The following NUP62CL variants were observed in gnomAD, a reference collection of about 807,000 sequenced individuals.
NUP62CL encodes nucleoporin 62 C-terminal like.
In NUP62CL, 13 loss-of-function variants were observed where a neutral mutation model predicts 15.3. The ratio of observed to expected loss-of-function variants is 0.85; its 90% CI spans 0.55 to 1.35. NUP62CL has a LOEUF of 1.35. Ranked by LOEUF, NUP62CL falls within the 40% of genes most tolerant of loss-of-function variation. The pLI is 0.00. For missense variants in NUP62CL, 123 were observed against 130.6 expected, an observed-to-expected ratio of 0.94 and a Z score of 0.28; for synonymous variants, 54 against 49.2, an observed-to-expected ratio of 1.10 and a Z score of -0.41.
chrX:107,156,045 C>T (rs1287075417), intron 4 of NUP62CL, among the ~76,000 whole-genome samples: 1 of 110,809 alleles, frequency 9.0e-6, no homozygotes, highest in African/African-American at 3.3e-5. Flanking sequence ...TCGGGTCACT[C>T]CCACCCGAAT....
intron 3 of NUP62CL, among the ~76,000 whole-genome samples, chrX:107,171,086 C>T (rs1392721947): frequency 8.9e-6 from 1 of 112,270 alleles, no homozygotes; most frequent in East Asian, 2.8e-4. Context: ...GACATCATCA[C>T]CTTCCCAAAC....
intron 8 of NUP62CL, among the ~76,000 whole-genome samples, chrX:107,143,632 C>T (rs1264210215): frequency 9.0e-6 from 1 of 111,683 alleles, no homozygotes; most frequent in East Asian, 2.8e-4. Flanking sequence ...ATTGAATTAT[C>T]AAAACATTTC....
intron 2 of NUP62CL, among the ~76,000 whole-genome samples, chrX:107,175,430 C>A (rs1926760378): frequency 9.0e-6 from 1 of 111,582 alleles, no homozygotes. Flanking sequence ...TTCTACTTTA[C>A]TGAAAAAGAA....
In NUP62CL at chrX:107,189,825, G is replaced by A. The variant is rs866935999; in HGVS notation, c.-48+3204C>T. Among the ~76,000 whole-genome samples the A allele has an allele frequency of 1.0e-4, 4 of 39,391 alleles. No homozygotes were observed. The Admixed American group carries it at 1.8e-3, about 17-fold the overall frequency. The allele number at this position is 39,391 out of a possible 115,157, so 34.2% of individuals were successfully genotyped here. ...GAGAGAGAGAGAAAGAAAGAAAGAA[G>A]GAGGGAAGGAAGGAAGGAAGGAAGG... On this transcript the variant is annotated intron_variant, in intron 2 of 8. Transcript: ENST00000372466.
At chrX:107,165,810 A>G (rs1329306418) in intron 4 of NUP62CL, among the ~76,000 whole-genome samples, 2 of 112,002 alleles carry the variant, frequency 1.8e-5, no homozygotes, top group Non-Finnish European at 3.8e-5. Flanking sequence ...GGGGGAAGAT[A>G]GTCTTTCAAT....
chrX:107,171,908 G>A (rs1926661686), intron 3 of NUP62CL, among the ~76,000 whole-genome samples: 1 of 109,991 alleles, frequency 9.1e-6, no homozygotes, highest in East Asian at 2.9e-4. Context: ...GGGGAAATGT[G>A]TTACATTTTT....
chrX:107,200,631 A>AG (rs1689178593), intron 1 of NUP62CL, among the ~76,000 whole-genome samples: 1 of 106,371 alleles, frequency 9.4e-6, no homozygotes, highest in African/African-American at 3.4e-5. Flanking sequence ...AAAAAAAAAA[A>AG]AGAGAGAGAG....
chrX:107,155,920 C>T (rs995231059), intron 4 of NUP62CL, among the ~76,000 whole-genome samples: 2 of 112,105 alleles, frequency 1.8e-5, no homozygotes, highest in Middle Eastern at 4.6e-3. Context: ...CCAGTGGGTG[C>T]GCGCACCGTG....
intron 1 of NUP62CL, among the ~76,000 whole-genome samples, chrX:107,202,253 C>A (rs1244679296): frequency 6.3e-5 from 7 of 111,699 alleles, no homozygotes; most frequent in African/African-American, 2.3e-4. Context: ...GTCTATTTTT[C>A]TGTTTGAAAT....
chrX:107,155,446 C>G (rs951712902), intron 4 of NUP62CL, among the ~76,000 whole-genome samples: 1 of 112,278 alleles, frequency 8.9e-6, no homozygotes, highest in Non-Finnish European at 1.9e-5. Context: ...CAGCTGGGAG[C>G]TGAGCTTACA....
chrX:107,190,860 C>T (rs750196460), intron 2 of NUP62CL, among the ~76,000 whole-genome samples: 1 of 109,367 alleles, frequency 9.1e-6, no homozygotes, highest in Admixed American at 9.9e-5. Flanking sequence ...GGTGTGCCTC[C>T]ACCGATGAAT....
chrX:107,160,888 A>C (rs1282972152), intron 4 of NUP62CL, among the ~76,000 whole-genome samples: 1 of 109,047 alleles, frequency 9.2e-6, no homozygotes, highest in Non-Finnish European at 1.9e-5. Context: ...CTCATCTGAC[A>C]AAGGGCTAAT....
At chrX:107,147,589 TAC>T (rs1298786218) in intron 8 of NUP62CL, among the ~76,000 whole-genome samples, 152 bp downstream of exon 8, 2 of 111,585 alleles carry the variant, frequency 1.8e-5, no homozygotes, top group East Asian at 2.8e-4. Context: ...AATAAGGAAT[TAC>T]AGTTTTTCAG....
intron 8 of NUP62CL, among the ~76,000 whole-genome samples, chrX:107,130,358 G>A (rs1157277302): frequency 8.9e-6 from 1 of 111,961 alleles, no homozygotes; most frequent in Non-Finnish European, 1.9e-5. Context: ...TTCTTCAAAA[G>A]TTCCAGGGAA....
intron 3 of NUP62CL, among the ~76,000 whole-genome samples, chrX:107,172,816 G>A (rs1220660521): frequency 8.9e-6 from 1 of 112,155 alleles, no homozygotes; most frequent in Admixed American, 9.5e-5. Flanking sequence ...TCTCAAAGAA[G>A]TAGCATCATT....
intron 4 of NUP62CL, among the ~76,000 whole-genome samples, chrX:107,162,760 C>T (rs967639574): frequency 1.8e-5 from 2 of 111,808 alleles, no homozygotes; most frequent in African/African-American, 6.5e-5. Flanking sequence ...AGCAGCGATC[C>T]CCAACCCTTT....
At chrX:107,129,407 G>T (rs920149212) in intron 8 of NUP62CL, among the ~76,000 whole-genome samples, 2 of 111,853 alleles carry the variant, frequency 1.8e-5, no homozygotes, top group Non-Finnish European at 3.8e-5. Flanking sequence ...AGGGACACCA[G>T]GCAGAGCAGA....
chrX:107,151,638 T>C, intron 7 of NUP62CL, among the ~76,000 whole-genome samples: 1 of 110,678 alleles, frequency 9.0e-6, no homozygotes, highest in South Asian at 3.9e-4. Flanking sequence ...TCAATTAGAT[T>C]TGTAGGTAAC....
intron 8 of NUP62CL, among the ~76,000 whole-genome samples, chrX:107,143,687 G>A (rs2147795387): frequency 8.9e-6 from 1 of 111,757 alleles, no homozygotes; most frequent in South Asian, 3.7e-4. Context: ...ACAAGTTGAA[G>A]ATTTCTCTTT....
Sources: allele counts gnomAD v4.1 joint callset (sites outside exome capture counted in the v4.1 genomes callset), GRCh38; gene constraint gnomAD v4.1.1; transcripts MANE v1.5; gene names NCBI Gene and HGNC (gene_info 2026-07-23, HGNC 2026-07-21).